NLGN4X: variants seen among roughly 807,000 people sequenced by gnomAD.
The protein encoded by NLGN4X is neuroligin 4 X-linked, also known as neuroligin-4, X-linked.
In NLGN4X, 3 loss-of-function variants were observed where a neutral mutation model predicts 40.3. The observed-to-expected ratio is 0.07, with a 90% CI of 0.03 to 0.19. NLGN4X has a LOEUF of 0.19. Ranked by LOEUF, NLGN4X falls within the 10% of genes least tolerant of loss-of-function variation. The pLI, the probability that NLGN4X is intolerant of heterozygous loss-of-function variation, is 1.00. For missense variants in NLGN4X, 382 were observed against 708.3 expected, an observed-to-expected ratio of 0.54 and a Z score of 5.23; for synonymous variants, 270 against 306.8, an observed-to-expected ratio of 0.88 and a Z score of 1.25.
At chrX:6,198,591 T>G (rs1235003624) in intron 1 of NLGN4X, among the ~76,000 whole-genome samples, 4 of 111,858 alleles carry the variant, frequency 3.6e-5, no homozygotes, top group Non-Finnish European at 7.5e-5. Context: ...TTAAGGCAAG[T>G]GCTTACAAAT....
At position 6,034,502 on chromosome X, in the gene NLGN4X, C is replaced by T. The variant is rs1420738617; in HGVS notation, c.473-5070G>A. Among the ~76,000 whole-genome samples the T allele has an allele frequency of 2.7e-5, 3 of 112,001 alleles. No homozygotes were observed. In the South Asian group the frequency reaches 1.1e-3, roughly 42 times the overall value. On this transcript the variant is annotated intron_variant, in intron 2 of 5. Coordinates refer to ENST00000381095, the MANE Select transcript of NLGN4X (RefSeq NM_181332.3). ...TGTTTTCATCTCTATTGCATAGATA[C>T]CTAGGGGTGAAATTGCTGTTTCATA...
At chrX:6,132,953 T>C (rs1414662711) in intron 2 of NLGN4X, among the ~76,000 whole-genome samples, 1 of 111,567 alleles carries the variant, frequency 9.0e-6, no homozygotes, top group Admixed American at 9.5e-5. Context: ...GTTTCGAACA[T>C]GGTAAGTTTG....
chrX:6,015,621 A>G (rs1300703993), intron 3 of NLGN4X, among the ~76,000 whole-genome samples: 2 of 111,836 alleles, frequency 1.8e-5, no homozygotes, highest in East Asian at 2.8e-4. Flanking sequence ...CAGCATTTAC[A>G]TTCCTGAGTC....
intron 2 of NLGN4X, among the ~76,000 whole-genome samples, chrX:6,063,507 T>A (rs138982370): frequency 0.07 from 7,759 of 111,329 alleles, 584 homozygotes; most frequent in African/African-American, 0.23. Context: ...TTTATTTAAC[T>A]CTTAAGTTTG....
intron 2 of NLGN4X, among the ~76,000 whole-genome samples, chrX:6,113,924 G>A (rs1174654030): frequency 9.0e-6 from 1 of 111,130 alleles, no homozygotes. Flanking sequence ...GGGTTCAAGT[G>A]ATTCTCTTGC....
intron 3 of NLGN4X, among the ~76,000 whole-genome samples, chrX:5,946,089 G>A (rs753768833): frequency 8.1e-5 from 9 of 111,408 alleles, no homozygotes; most frequent in Admixed American, 1.9e-4. Context: ...CAATCTCATC[G>A]ATATTGACAC....
At chrX:6,043,160 A>ACACACACACACAC in intron 2 of NLGN4X, among the ~76,000 whole-genome samples, 1 of 100,871 alleles carries the variant, frequency 9.9e-6, no homozygotes, top group Admixed American at 1.1e-4. Context: ...CACACACACA[A>ACACACACACACAC]ACACACGTAT....
chrX:5,997,910 C>T (rs145253546), intron 3 of NLGN4X, among the ~76,000 whole-genome samples: 11 of 111,045 alleles, frequency 9.9e-5, no homozygotes, highest in African/African-American at 3.6e-4. Flanking sequence ...CCATCTGTTG[C>T]TCATATACAA....
chrX:5,892,778 C>T lies in NLGN4X; in HGVS notation c.*39G>A, dbSNP rs140331762. The T allele has an allele frequency of 1.1e-3, 1,266 of 1,198,679 alleles. 6 individuals carry two copies. The African/African-American group carries it at 0.019, about 18-fold the overall frequency. On this transcript the variant is annotated 3_prime_UTR_variant, in exon 6 of 6. Coordinates refer to ENST00000381095, the MANE Select transcript of NLGN4X (RefSeq NM_181332.3). ...TCCTTCCCTCTTCTATGTTGCTGAG[C>T]GGGTAGGGCAGAGGGATAGGAAGGG...
chrX:6,021,731 G>GT (rs1179238055), intron 3 of NLGN4X, among the ~76,000 whole-genome samples: 1 of 105,576 alleles, frequency 9.5e-6, no homozygotes, highest in Non-Finnish European at 1.9e-5. Flanking sequence ...ATTGTGTTGT[G>GT]TTTTTTTGTT....
intron 1 of NLGN4X, among the ~76,000 whole-genome samples, chrX:6,215,742 C>T (rs1925018665): frequency 9.0e-6 from 1 of 111,319 alleles, no homozygotes; most frequent in African/African-American, 3.3e-5. Context: ...TTAGTAGACA[C>T]TGAAGCATAT....
intron 3 of NLGN4X, chrX:5,991,653 A>AAG: frequency 5.1e-6 from 2 of 388,947 alleles, no homozygotes; most frequent in Non-Finnish European, 9.4e-6. Context: ...CATCAGTGCT[A>AAG]ATAACAGTAA....
intron 2 of NLGN4X, among the ~76,000 whole-genome samples, chrX:6,051,219 C>A (rs2037484059): frequency 9.0e-6 from 1 of 111,664 alleles, no homozygotes; most frequent in South Asian, 3.7e-4. Flanking sequence ...GTATTAATGT[C>A]TATGATAAAG....
intron 3 of NLGN4X, among the ~76,000 whole-genome samples, chrX:5,910,157 T>C (rs1415097551): frequency 2.7e-5 from 3 of 111,738 alleles, no homozygotes; most frequent in African/African-American, 6.5e-5. Flanking sequence ...TTTCTTCTGA[T>C]GTTTTGAAGT....
intron 3 of NLGN4X, among the ~76,000 whole-genome samples, chrX:5,987,265 C>A (rs1173148129): frequency 9.0e-6 from 1 of 111,088 alleles, no homozygotes; most frequent in Non-Finnish European, 1.9e-5. Context: ...TCCAAACAAG[C>A]AAAATTTAAT....
At chrX:5,992,233 C>A (rs1006862831) in intron 3 of NLGN4X, among the ~76,000 whole-genome samples, 1 of 112,277 alleles carries the variant, frequency 8.9e-6, no homozygotes, top group South Asian at 3.7e-4. Flanking sequence ...CAGATCTAGA[C>A]GTGCCCAAAG....
chrX:5,957,856 CT>C lies in NLGN4X; in HGVS notation c.626-48618del, dbSNP rs1376531990. On this transcript the variant is annotated intron_variant, in intron 3 of 5. Coordinates refer to ENST00000381095, the MANE Select transcript of NLGN4X (RefSeq NM_181332.3). The stretch of plus-strand genomic sequence containing the variant: ...ATAAATTTACCCAGTATAAAATAAA[CT>C]TTGTTCCATCATTAGAGTTTAATTT... Among the ~76,000 whole-genome samples the C allele has an allele frequency of 2.7e-5, 3 of 112,164 alleles. No homozygotes were observed. In the Admixed American group the frequency reaches 2.9e-4, roughly 11 times the overall value.
intron 2 of NLGN4X, among the ~76,000 whole-genome samples, chrX:6,102,724 A>T (rs1046503274): frequency 1.8e-5 from 2 of 111,202 alleles, no homozygotes; most frequent in African/African-American, 6.6e-5. Flanking sequence ...TATAGATAAG[A>T]TAGATCGATA....
At chrX:6,221,429 A>G (rs1381027643) in intron 1 of NLGN4X, among the ~76,000 whole-genome samples, 6 of 73,906 alleles carry the variant, frequency 8.1e-5, no homozygotes, top group Non-Finnish European at 1.6e-4. Context: ...ATATATATAT[A>G]TTTGCTTTTA....
Sources: allele counts gnomAD v4.1 joint callset (sites outside exome capture counted in the v4.1 genomes callset), GRCh38; gene constraint gnomAD v4.1.1; transcripts MANE v1.5; gene names NCBI Gene and HGNC (gene_info 2026-07-23, HGNC 2026-07-21).